The following ZNF385D variants were observed in gnomAD, a reference collection of about 807,000 sequenced individuals.
ZNF385D encodes zinc finger protein 659.
In ZNF385D, 15 loss-of-function variants were observed where a neutral mutation model predicts 35.8. That is an observed-to-expected ratio of 0.42 (90% CI 0.28 to 0.64). ZNF385D has a LOEUF of 0.64. ZNF385D is among the 30% of genes least tolerant of loss of function. ZNF385D has a pLI of 0.23. For synonymous variants in ZNF385D, 212 were observed against 186.8 expected (o/e 1.13, Z -1.10); for missense variants, 474 against 494.6 (o/e 0.96, Z 0.39).
At chr3:21,605,941 A>G (rs1160158330) in intron 2 of ZNF385D, among the ~76,000 whole-genome samples, 1 of 152,070 alleles carries the variant, frequency 6.6e-6, no homozygotes, top group Non-Finnish European at 1.5e-5. Context: ...AAAACCACGT[A>G]ATGCACATCT....
rs538530125 is a variant in ZNF385D at position 22,199,246 on chromosome 3, T to C, written c.107-30211A>G. Among the ~76,000 whole-genome samples the C allele has an allele frequency of 2.4e-4, 37 of 152,220 alleles. No individual in the cohort carries two copies. The South Asian group carries it at 5.0e-3, about 20-fold the overall frequency. On this transcript the variant is annotated intron_variant, in intron 2 of 5. Transcript: ENST00000494108. ...ATCCCTTTGTTTCACTAAGCTATAATTGTCTGCCCAATGTAGATTACATTT... is the reference window on the plus strand; with the variant it reads ...ATCCCTTTGTTTCACTAAGCTATAACTGTCTGCCCAATGTAGATTACATTT...
intron 2 of ZNF385D, among the ~76,000 whole-genome samples, chr3:21,652,557 T>C (rs778903135): frequency 4.5e-4 from 68 of 152,146 alleles, no homozygotes; most frequent in Non-Finnish European, 8.7e-4. Context: ...ATGTGCCATG[T>C]TGGTGTGCTA....
intron 3 of ZNF385D, among the ~76,000 whole-genome samples, chr3:22,006,332 A>T (rs1696200943): frequency 6.6e-6 from 1 of 152,126 alleles, no homozygotes; most frequent in South Asian, 2.1e-4. Flanking sequence ...GTTGTACAAA[A>T]ATCTGGGTCT....
intron 2 of ZNF385D, among the ~76,000 whole-genome samples, chr3:22,350,906 A>G (rs1695885602): frequency 6.6e-6 from 1 of 152,082 alleles, no homozygotes; most frequent in Non-Finnish European, 1.5e-5. Flanking sequence ...TGGGGGATAT[A>G]CATTATTTTT....
intron 3 of ZNF385D, among the ~76,000 whole-genome samples, chr3:21,780,583 A>G (rs2071451862): frequency 6.6e-6 from 1 of 152,016 alleles, no homozygotes; most frequent in Non-Finnish European, 1.5e-5. Flanking sequence ...CCTTTCTCTT[A>G]GAACACTTAA....
At chr3:21,742,113 C>A (rs774107277) in intron 1 of ZNF385D, among the ~76,000 whole-genome samples, 2 of 152,182 alleles carry the variant, frequency 1.3e-5, no homozygotes, top group Non-Finnish European at 2.9e-5. Flanking sequence ...ACCTTCATAA[C>A]AAGGTCCATT....
chr3:22,321,295 A>C (rs1243304081), intron 2 of ZNF385D, among the ~76,000 whole-genome samples: 5 of 151,198 alleles, frequency 3.3e-5, no homozygotes, highest in African/African-American at 1.2e-4. Flanking sequence ...ACCTTTTTTA[A>C]AACTCTTTCT....
At chr3:21,704,674 A>G (rs1206250783) in intron 1 of ZNF385D, among the ~76,000 whole-genome samples, 1 of 151,892 alleles carries the variant, frequency 6.6e-6, no homozygotes, top group Non-Finnish European at 1.5e-5. Flanking sequence ...AGGCCCAGCT[A>G]GGATATTATT....
intron 3 of ZNF385D, among the ~76,000 whole-genome samples, chr3:22,105,175 G>C (rs1165919311): frequency 6.6e-6 from 1 of 151,934 alleles, no homozygotes; most frequent in South Asian, 2.1e-4. Flanking sequence ...AGGCAGAAGG[G>C]ATATAATCTT....
intron 4 of ZNF385D, among the ~76,000 whole-genome samples, chr3:21,466,715 A>C (rs1703540890): frequency 6.6e-6 from 1 of 152,168 alleles, no homozygotes; most frequent in Admixed American, 6.5e-5. Flanking sequence ...AAAAAAAATG[A>C]AAAGCTAGTT....
chr3:22,195,456 T>G (rs1040589000), intron 2 of ZNF385D, among the ~76,000 whole-genome samples: 9 of 151,988 alleles, frequency 5.9e-5, no homozygotes, highest in Non-Finnish European at 1.0e-4. Context: ...ATTCTTTTCT[T>G]TAATATACTA....
exon 2 of ZNF385D, chr3:22,372,539 C>T: frequency 1.0e-6 from 1 of 985,862 alleles, no homozygotes; most frequent in Non-Finnish European, 1.2e-6. Flanking sequence ...GGCCGCCCGG[C>T]GCCCTGGCCC....
intron 3 of ZNF385D, among the ~76,000 whole-genome samples, chr3:21,907,222 T>C (rs1699726861): frequency 6.6e-6 from 1 of 152,162 alleles, no homozygotes. Context: ...TATTAAAAAT[T>C]TAAAAAACAT....
chr3:21,786,864 T>C (rs2071708905), intron 3 of ZNF385D, among the ~76,000 whole-genome samples: 1 of 152,182 alleles, frequency 6.6e-6, no homozygotes, highest in African/African-American at 2.4e-5. Context: ...CAAATATACT[T>C]TCCTAAGCCC....
chr3:22,098,611 A>T (rs1701759993), intron 3 of ZNF385D, among the ~76,000 whole-genome samples: 1 of 152,090 alleles, frequency 6.6e-6, no homozygotes, highest in Non-Finnish European at 1.5e-5. Flanking sequence ...CCACATTTGA[A>T]GTTCCCATCT....
At chr3:22,152,876 T>G (rs1252861077) in intron 3 of ZNF385D, among the ~76,000 whole-genome samples, 1 of 152,116 alleles carries the variant, frequency 6.6e-6, no homozygotes, top group Non-Finnish European at 1.5e-5. Flanking sequence ...TGTACTATAC[T>G]CTAAACCCAT....
intron 3 of ZNF385D, among the ~76,000 whole-genome samples, chr3:22,037,841 G>T (rs1015641775): frequency 6.6e-6 from 1 of 151,980 alleles, no homozygotes; most frequent in African/African-American, 2.4e-5. Flanking sequence ...TATGGTTTTA[G>T]GTCTAACAAA....
intron 3 of ZNF385D, among the ~76,000 whole-genome samples, chr3:22,003,566 A>G (rs935712536): frequency 6.6e-6 from 1 of 152,140 alleles, no homozygotes; most frequent in East Asian, 1.9e-4. Context: ...TACAGAAATG[A>G]AAAAAATACC....
At chr3:22,337,432 G>A (rs1695223611) in intron 2 of ZNF385D, among the ~76,000 whole-genome samples, 1 of 152,144 alleles carries the variant, frequency 6.6e-6, no homozygotes, top group Admixed American at 6.5e-5. Flanking sequence ...TACTCAAGAG[G>A]CAGAGGAGGG....
Sources: allele counts gnomAD v4.1 joint callset (sites outside exome capture counted in the v4.1 genomes callset), GRCh38; gene constraint gnomAD v4.1.1; transcripts MANE v1.5; gene names NCBI Gene and HGNC (gene_info 2026-07-23, HGNC 2026-07-21).